Variants in DENND1A observed in about 807,000 individuals in gnomAD.
DENND1A encodes DENN domain containing 1A.
In DENND1A, 51 loss-of-function variants were observed where a neutral mutation model predicts 113.7. The ratio of observed to expected loss-of-function variants is 0.45; its 90% CI spans 0.36 to 0.57. The LOEUF (loss-of-function observed/expected upper bound fraction) is 0.57. Ranked by LOEUF, DENND1A falls within the 20% of genes least tolerant of loss-of-function variation. The pLI, the probability that DENND1A is intolerant of heterozygous loss-of-function variation, is 0.00. For synonymous variants in DENND1A, 565 were observed against 570.8 expected, an observed-to-expected ratio of 0.99 and a Z score of 0.14; for missense variants, 1,258 against 1,395.9, an observed-to-expected ratio of 0.90 and a Z score of 1.57.
At chr9:123,584,033 A>AG (rs1470422582) in intron 11 of DENND1A, among the ~76,000 whole-genome samples, 3 of 152,100 alleles carry the variant, frequency 2.0e-5, no homozygotes, top group Non-Finnish European at 2.9e-5. Flanking sequence ...GTGTAGCCTG[A>AG]GTTTTAAATT....
chr9:123,912,597 G>A (rs1437044253), intron 1 of DENND1A, among the ~76,000 whole-genome samples: 3 of 152,168 alleles, frequency 2.0e-5, no homozygotes, highest in African/African-American at 4.8e-5. Flanking sequence ...GGGCTGTGAT[G>A]AGGAACCCCA....
intron 1 of DENND1A, among the ~76,000 whole-genome samples, chr9:123,925,343 T>A (rs1856918000): frequency 6.6e-6 from 1 of 152,134 alleles, no homozygotes; most frequent in East Asian, 1.9e-4. Flanking sequence ...CATGATCCCC[T>A]TGGTGAAGGC....
intron 8 of DENND1A, among the ~76,000 whole-genome samples, chr9:123,666,103 G>A (rs2063480994): frequency 6.6e-6 from 1 of 152,140 alleles, no homozygotes. Context: ...TTTCAGTTTT[G>A]TAAGATACAA....
chr9:123,595,331 T>A (rs995004054), intron 11 of DENND1A, among the ~76,000 whole-genome samples: 3 of 152,172 alleles, frequency 2.0e-5, no homozygotes, highest in Admixed American at 6.5e-5. Context: ...GCCCCTTTCC[T>A]GGCCATCGAT....
intron 1 of DENND1A, among the ~76,000 whole-genome samples, chr9:123,898,057 ATCCT>A (rs1222208799): frequency 6.6e-6 from 1 of 152,006 alleles, no homozygotes; most frequent in Non-Finnish European, 1.5e-5. Context: ...AAAGTCCTGT[ATCCT>A]TGAGCAATCC....
intron 13 of DENND1A, among the ~76,000 whole-genome samples, chr9:123,546,356 G>A (rs1465185604): frequency 6.6e-6 from 1 of 151,958 alleles, no homozygotes; most frequent in Non-Finnish European, 1.5e-5. Flanking sequence ...AGACCATCCT[G>A]GCTAACACAG....
intron 8 of DENND1A, among the ~76,000 whole-genome samples, chr9:123,662,500 T>G (rs893807353): frequency 6.6e-6 from 1 of 152,108 alleles, no homozygotes; most frequent in Non-Finnish European, 1.5e-5. Flanking sequence ...GAGGTGGAGT[T>G]TGCAGTGAGC....
intron 13 of DENND1A, among the ~76,000 whole-genome samples, chr9:123,489,591 C>A (rs193222370): frequency 1.3e-5 from 2 of 152,358 alleles, no homozygotes; most frequent in East Asian, 1.9e-4. Flanking sequence ...ACATAAAAGT[C>A]AAGTTTGGCT....
chr9:123,416,696 G>A (rs1388709716), intron 19 of DENND1A, among the ~76,000 whole-genome samples: 3 of 152,360 alleles, frequency 2.0e-5, no homozygotes, highest in East Asian at 3.9e-4. Context: ...GAGGGCCGGC[G>A]AAGCGGGGAG....
chr9:123,450,045 A>G (rs2047598288), intron 18 of DENND1A, among the ~76,000 whole-genome samples: 1 of 131,316 alleles, frequency 7.6e-6, no homozygotes, highest in African/African-American at 2.8e-5. Context: ...TAAAAAAAGA[A>G]AAAAAAAAAA....
chr9:123,489,574 T>C (rs187677356), intron 13 of DENND1A, among the ~76,000 whole-genome samples: 74 of 152,382 alleles, frequency 4.9e-4, no homozygotes, highest in African/African-American at 1.8e-3. Flanking sequence ...CAGCTTGTTG[T>C]TGTTTCACAT....
intron 1 of DENND1A, among the ~76,000 whole-genome samples, chr9:123,896,195 T>C (rs1267602099): frequency 6.6e-6 from 1 of 151,938 alleles, no homozygotes. Context: ...GCCTGTAGTC[T>C]TGGCTACTCG....
chr9:123,856,503 T>A (rs996227174), intron 2 of DENND1A, among the ~76,000 whole-genome samples: 15 of 152,082 alleles, frequency 9.9e-5, no homozygotes, highest in African/African-American at 3.6e-4. Flanking sequence ...GAGAAGCGTG[T>A]CCATGTTAAA....
At chr9:123,436,954 G>T (rs2046568236) in intron 19 of DENND1A, among the ~76,000 whole-genome samples, 1 of 152,150 alleles carries the variant, frequency 6.6e-6, no homozygotes, top group African/African-American at 2.4e-5. Context: ...CACCATGTTG[G>T]TCAGGCTACT....
At chr9:123,799,057 G>A (rs748731453) in intron 2 of DENND1A, among the ~76,000 whole-genome samples, 14 of 151,912 alleles carry the variant, frequency 9.2e-5, no homozygotes, top group Non-Finnish European at 8.8e-5. Flanking sequence ...TTGCCTAAAC[G>A]ACAGCTGTGC....
At chr9:123,712,393 T>A (rs989241501) in intron 5 of DENND1A, among the ~76,000 whole-genome samples, 7 of 152,248 alleles carry the variant, frequency 4.6e-5, no homozygotes, top group Non-Finnish European at 8.8e-5. Flanking sequence ...AGATCACCAG[T>A]GTTCTTACTC....
chr9:123,847,100 C>A (rs1842729554), intron 2 of DENND1A, among the ~76,000 whole-genome samples: 1 of 152,172 alleles, frequency 6.6e-6, no homozygotes, highest in Non-Finnish European at 1.5e-5. Context: ...ACATTGGCCT[C>A]CCAAAGTGCT....
chr9:123,387,300 G>A (rs2042615406), intron 22 of DENND1A, among the ~76,000 whole-genome samples: 1 of 152,186 alleles, frequency 6.6e-6, no homozygotes, highest in African/African-American at 2.4e-5. Flanking sequence ...GGATAGGCTG[G>A]CATTTAATAT....
intron 13 of DENND1A, among the ~76,000 whole-genome samples, chr9:123,549,601 A>C (rs1035844913): frequency 3.3e-5 from 5 of 152,148 alleles, no homozygotes; most frequent in Non-Finnish European, 7.3e-5. Flanking sequence ...AGCTTTATTC[A>C]CAAAGATGTT....
Sources: gnomAD v4.1 joint callset for allele counts (sites outside exome capture counted in the v4.1 genomes callset) on GRCh38, gnomAD v4.1.1 for gene constraint, MANE v1.5 for transcripts, NCBI Gene and HGNC (gene_info 2026-07-23, HGNC 2026-07-21) for gene names.